The following ASAP1 variants were observed in gnomAD, a reference collection of about 807,000 sequenced individuals.
ASAP1 encodes arf-GAP with SH3 domain, ANK repeat and PH domain-containing protein 1.
ASAP1 carries 43 observed loss-of-function variants against 145.2 expected under a neutral mutation model. That is an observed-to-expected ratio of 0.30 (90% CI 0.23 to 0.38). The LOEUF is 0.38. Among genes scored for constraint, ASAP1 ranks in the 10% least tolerant of loss-of-function variants. ASAP1 has a pLI of 1.00. For synonymous variants in ASAP1, 546 were observed against 515.5 expected, an observed-to-expected ratio of 1.06 and a Z score of -0.80; for missense variants, 1,018 against 1,355.3, an observed-to-expected ratio of 0.75 and a Z score of 3.91.
chr8:130,302,099 T>C (rs576586477), intron 3 of ASAP1, among the ~76,000 whole-genome samples: 2 of 152,386 alleles, frequency 1.3e-5, no homozygotes, highest in South Asian at 4.1e-4. Context: ...CCTACAGCTA[T>C]AGTCTAACAT....
intron 2 of ASAP1, among the ~76,000 whole-genome samples, chr8:130,393,404 A>G (rs1586963427): frequency 6.6e-6 from 1 of 152,178 alleles, no homozygotes; most frequent in Non-Finnish European, 1.5e-5. Flanking sequence ...CAAGCAGCAA[A>G]CATTTACTGT....
intron 2 of ASAP1, among the ~76,000 whole-genome samples, chr8:130,378,049 T>C (rs1023523840): frequency 2.6e-5 from 4 of 152,210 alleles, no homozygotes; most frequent in African/African-American, 9.7e-5. Context: ...GATAATGTTG[T>C]TTCCCAGTGA....
intron 1 of ASAP1, among the ~76,000 whole-genome samples, chr8:130,435,995 G>A (rs946383996): frequency 1.3e-5 from 2 of 152,194 alleles, no homozygotes; most frequent in African/African-American, 4.8e-5. Context: ...GATAGGTGGG[G>A]CTCTCCTGGG....
At chr8:130,334,306 C>T (rs983448964) in intron 3 of ASAP1, among the ~76,000 whole-genome samples, 14 of 152,072 alleles carry the variant, frequency 9.2e-5, no homozygotes, top group South Asian at 2.1e-4. Context: ...CCTTGGGTAA[C>T]GGAAAAAGAA....
chr8:130,142,861 CTA>C (rs2047822587), intron 13 of ASAP1, among the ~76,000 whole-genome samples: 1 of 151,174 alleles, frequency 6.6e-6, no homozygotes, highest in Admixed American at 6.6e-5. Flanking sequence ...AGTTAGATCT[CTA>C]TTTCACGGTG....
At chr8:130,072,824 T>TGTGTGTGTGTGTGTGTGTGTGCAC in intron 27 of ASAP1, among the ~76,000 whole-genome samples, 1 of 32,282 alleles carries the variant, frequency 3.1e-5, no homozygotes, top group Non-Finnish European at 5.7e-5. Flanking sequence ...TGTGTGTGTG[T>TGTGTGTGTGTGTGTGTGTGTGCAC]GCGCGCGGGG....
chr8:130,357,398 G>A (rs1462054753), intron 3 of ASAP1, among the ~76,000 whole-genome samples: 1 of 152,224 alleles, frequency 6.6e-6, no homozygotes, highest in Non-Finnish European at 1.5e-5. Context: ...CAAACCCTCC[G>A]GGTTAGGGAA....
intron 4 of ASAP1, among the ~76,000 whole-genome samples, chr8:130,234,876 TC>T (rs1343036047): frequency 1.3e-5 from 2 of 152,158 alleles, no homozygotes; most frequent in Non-Finnish European, 2.9e-5. Context: ...ATCAGGCTGG[TC>T]AAATGTTGTA....
At chr8:130,200,284 T>C (rs1267504056) in intron 5 of ASAP1, among the ~76,000 whole-genome samples, 2 of 152,162 alleles carry the variant, frequency 1.3e-5, no homozygotes, top group Admixed American at 1.3e-4. Flanking sequence ...TAAATTATAG[T>C]GCAAATATAA....
chr8:130,261,546 C>T (rs969468014), intron 3 of ASAP1, among the ~76,000 whole-genome samples: 1 of 152,058 alleles, frequency 6.6e-6, no homozygotes, highest in Non-Finnish European at 1.5e-5. Context: ...TTAGGGAAAC[C>T]CAGGGCATCT....
intron 3 of ASAP1, among the ~76,000 whole-genome samples, chr8:130,274,974 CAT>C (rs1175941450): frequency 1.3e-5 from 2 of 152,336 alleles, no homozygotes; most frequent in East Asian, 3.9e-4. Flanking sequence ...ACATAATAAG[CAT>C]AGACTCTTGA....
intron 3 of ASAP1, among the ~76,000 whole-genome samples, chr8:130,356,865 G>C (rs1041164482): frequency 6.6e-6 from 1 of 152,172 alleles, no homozygotes; most frequent in African/African-American, 2.4e-5. Flanking sequence ...CCATATTACA[G>C]AGGTCCGTCC....
At chr8:130,386,002 C>A (rs945606133) in intron 2 of ASAP1, among the ~76,000 whole-genome samples, 3 of 152,202 alleles carry the variant, frequency 2.0e-5, no homozygotes, top group Non-Finnish European at 4.4e-5. Flanking sequence ...GTGACTGGTA[C>A]AGGGCTGACC....
At chr8:130,338,073 T>C (rs148395936) in intron 3 of ASAP1, among the ~76,000 whole-genome samples, 416 of 152,300 alleles carry the variant, frequency 2.7e-3, no homozygotes, top group African/African-American at 9.6e-3. Context: ...AGATCACATA[T>C]TTGGGCACTG....
At chr8:130,101,164 G>A (rs555087232) in intron 24 of ASAP1, among the ~76,000 whole-genome samples, 7 of 152,286 alleles carry the variant, frequency 4.6e-5, no homozygotes, top group East Asian at 1.9e-4. Flanking sequence ...CCAATACAAA[G>A]CTGTTCTGGT....
intron 2 of ASAP1, among the ~76,000 whole-genome samples, chr8:130,385,420 G>C (rs1827966563): frequency 6.6e-6 from 1 of 152,362 alleles, no homozygotes; most frequent in South Asian, 2.1e-4. Context: ...TTAGAGTTAG[G>C]GCGGGCCTTG....
intron 3 of ASAP1, chr8:130,341,050 C>G: frequency 2.6e-6 from 1 of 379,658 alleles, no homozygotes; most frequent in Non-Finnish European, 5.2e-6. Context: ...AAATGTGATA[C>G]AGTAACACCA....
In ASAP1 at chr8:130,395,711, G is replaced by T. The variant is rs185912454; in HGVS notation, c.59+6174C>A. ...AGACAGAGTCTCACTCTGTCACACA[G>T]GCTGGAGTGCAGTGATGTGACCTCG... On this transcript the variant is annotated intron_variant, in intron 2 of 29. Transcript: ENST00000518721. 9.2e-5 allele frequency among the ~76,000 whole-genome samples: 14 copies of T among 151,460 alleles called. No homozygotes were observed. In the East Asian group the frequency reaches 2.7e-3, roughly 29 times the overall value.
At chr8:130,252,539 T>C (rs997600980) in intron 3 of ASAP1, among the ~76,000 whole-genome samples, 2 of 152,188 alleles carry the variant, frequency 1.3e-5, no homozygotes, top group African/African-American at 4.8e-5. Context: ...TGGTACATAC[T>C]CTCAGTAATC....
Sources: allele counts gnomAD v4.1 joint callset (sites outside exome capture counted in the v4.1 genomes callset), GRCh38; gene constraint gnomAD v4.1.1; transcripts MANE v1.5; gene names NCBI Gene and HGNC (gene_info 2026-07-23, HGNC 2026-07-21).